MACROD2: variants seen among roughly 807,000 people sequenced by gnomAD.
MACROD2 encodes ADP-ribose glycohydrolase MACROD2.
Under a neutral mutation model 70.4 loss-of-function variants are expected in MACROD2, and 36 were observed. That is an observed-to-expected ratio of 0.51 (90% CI 0.39 to 0.68). MACROD2 has a LOEUF of 0.68. Ranked by LOEUF, MACROD2 falls within the 30% of genes least tolerant of loss-of-function variation. The probability of loss-of-function intolerance (pLI) is 0.00; values close to 1 mark genes in which losing one functional copy is unlikely to be tolerated. For synonymous variants in MACROD2, 172 were observed against 178.8 expected, an observed-to-expected ratio of 0.96 and a Z score of 0.30; for missense variants, 496 against 538.4, an observed-to-expected ratio of 0.92 and a Z score of 0.78.
intron 8 of MACROD2, among the ~76,000 whole-genome samples, chr20:15,826,915 T>A (rs1427528076): frequency 2.0e-5 from 3 of 152,214 alleles, no homozygotes; most frequent in Non-Finnish European, 4.4e-5. Flanking sequence ...ATTAACATAT[T>A]CCAGTACTAG....
At chr20:14,293,589 G>A (rs1403594148) in intron 3 of MACROD2, among the ~76,000 whole-genome samples, 2 of 151,838 alleles carry the variant, frequency 1.3e-5, no homozygotes, top group Admixed American at 6.6e-5. Flanking sequence ...GAGTGGTAAG[G>A]TGTGAGTTCA....
At chr20:14,734,575 G>A (rs572004315) in intron 5 of MACROD2, among the ~76,000 whole-genome samples, 1 of 149,274 alleles carries the variant, frequency 6.7e-6, no homozygotes, top group South Asian at 2.1e-4. Flanking sequence ...TAACAGGAAG[G>A]TACTAACAAC....
At chr20:14,046,524 C>A (rs754155298) in intron 2 of MACROD2, among the ~76,000 whole-genome samples, 1 of 152,058 alleles carries the variant, frequency 6.6e-6, no homozygotes, top group Non-Finnish European at 1.5e-5. Context: ...TCTCCAGTAA[C>A]CCAGGAATTC....
chr20:14,291,145 T>C (rs2082383226), intron 3 of MACROD2, among the ~76,000 whole-genome samples: 1 of 152,212 alleles, frequency 6.6e-6, no homozygotes, highest in South Asian at 2.1e-4. Context: ...GATTGATTCA[T>C]TCTCCATTTA....
intron 6 of MACROD2, among the ~76,000 whole-genome samples, chr20:15,384,004 A>G (rs538744579): frequency 1.9e-4 from 29 of 152,276 alleles, no homozygotes; most frequent in African/African-American, 7.0e-4. Flanking sequence ...TTTGTCAAAA[A>G]CATGTATTTT....
At chr20:15,586,469 T>C (rs2048603163) in intron 8 of MACROD2, among the ~76,000 whole-genome samples, 1 of 152,260 alleles carries the variant, frequency 6.6e-6, no homozygotes, top group Non-Finnish European at 1.5e-5. Flanking sequence ...GATTAGGTAA[T>C]TTATTTACCT....
At position 15,458,662 on chromosome 20, in the gene MACROD2, T is replaced by C. The variant is rs1198773405; in HGVS notation, c.571+27227T>C. Among the ~76,000 whole-genome samples the C allele has an allele frequency of 2.6e-5, 4 of 151,682 alleles. No homozygotes were observed. The South Asian group carries it at 6.3e-4, about 24-fold the overall frequency. On this transcript the variant is annotated intron_variant, in intron 7 of 17. Coordinates refer to ENST00000684519, the MANE Select transcript of MACROD2 (RefSeq NM_001351661.2). Reference sequence around the variant, plus strand: ...TTTAAAAAAAAAAAAGATTGTGCCATTTATTCAGTAGGTGTCCACTCAGTA... The same window carrying C: ...TTTAAAAAAAAAAAAGATTGTGCCACTTATTCAGTAGGTGTCCACTCAGTA...
intron 3 of MACROD2, among the ~76,000 whole-genome samples, chr20:14,399,644 A>C (rs1157828108): frequency 6.6e-6 from 1 of 152,122 alleles, no homozygotes; most frequent in Admixed American, 6.5e-5. Flanking sequence ...TGTTTTTCCA[A>C]ATAAATTTTC....
intron 2 of MACROD2, among the ~76,000 whole-genome samples, chr20:14,037,671 C>T (rs549918275): frequency 6.6e-6 from 1 of 152,072 alleles, no homozygotes; most frequent in East Asian, 1.9e-4. Flanking sequence ...AACCATGGAG[C>T]TAAGGATTGA....
intron 5 of MACROD2, among the ~76,000 whole-genome samples, chr20:14,744,658 G>C (rs999850631): frequency 1.3e-5 from 2 of 152,152 alleles, no homozygotes. Flanking sequence ...TTGGCTGATA[G>C]AACAGTGTCA....
chr20:15,099,347 T>C (rs1456198707), intron 5 of MACROD2, among the ~76,000 whole-genome samples: 4 of 152,100 alleles, frequency 2.6e-5, no homozygotes, highest in African/African-American at 9.7e-5. Flanking sequence ...ATTAGTGCCC[T>C]TAGAAGAAGT....
chr20:15,602,894 G>GT (rs1164780824), intron 8 of MACROD2, among the ~76,000 whole-genome samples: 5 of 150,680 alleles, frequency 3.3e-5, no homozygotes, highest in African/African-American at 7.3e-5. Context: ...AGTTCTTATA[G>GT]TTTTTTTTTA....
chr20:15,824,282 T>C (rs1310856928), intron 8 of MACROD2, among the ~76,000 whole-genome samples: 1 of 152,174 alleles, frequency 6.6e-6, no homozygotes, highest in Non-Finnish European at 1.5e-5. Context: ...TGTTTGTGTA[T>C]GTGAATGTGT....
chr20:15,376,345 T>C (rs953123923), intron 6 of MACROD2, among the ~76,000 whole-genome samples: 3 of 152,126 alleles, frequency 2.0e-5, no homozygotes, highest in Non-Finnish European at 2.9e-5. Flanking sequence ...GACCCTTTGA[T>C]TGCTCAGCAG....
At chr20:15,023,727 C>T (rs1312688367) in intron 5 of MACROD2, among the ~76,000 whole-genome samples, 1 of 152,140 alleles carries the variant, frequency 6.6e-6, no homozygotes, top group Non-Finnish European at 1.5e-5. Context: ...TGGGAAAGAC[C>T]TGTCCCCATG....
intron 8 of MACROD2, among the ~76,000 whole-genome samples, chr20:15,695,408 C>CTTTTTT (rs200041559): frequency 7.1e-6 from 1 of 140,082 alleles, no homozygotes. Context: ...TTTTCTTCTT[C>CTTTTTT]TTCTTTTTTT....
chr20:16,020,303 C>T lies in MACROD2; in HGVS notation c.1154-20898C>T, dbSNP rs552929109. On this transcript the variant is annotated intron_variant, in intron 15 of 17. Coordinates refer to ENST00000684519, the MANE Select transcript of MACROD2 (RefSeq NM_001351661.2). ...GCTCTGGGCTTTTGCACCTTCTGCT[C>T]TTCCCATGGTCCTTTGCTCCTGGCC... Among the ~76,000 whole-genome samples the T allele has an allele frequency of 5.9e-5, 9 of 152,232 alleles. No homozygotes were observed. In the East Asian group the frequency reaches 1.4e-3, roughly 23 times the overall value.
At chr20:15,919,060 A>G (rs1341085439) in intron 10 of MACROD2, among the ~76,000 whole-genome samples, 3 of 152,192 alleles carry the variant, frequency 2.0e-5, no homozygotes, top group African/African-American at 7.2e-5. Flanking sequence ...ATAGATCACA[A>G]GGCTGCCTGA....
intron 5 of MACROD2, among the ~76,000 whole-genome samples, chr20:14,916,893 A>G (rs923509354): frequency 6.6e-6 from 1 of 152,126 alleles, no homozygotes; most frequent in African/African-American, 2.4e-5. Flanking sequence ...TTCATGGACC[A>G]CTGTCAGCCC....
Sources: allele counts gnomAD v4.1 joint callset (sites outside exome capture counted in the v4.1 genomes callset), GRCh38; gene constraint gnomAD v4.1.1; transcripts MANE v1.5; gene names NCBI Gene and HGNC (gene_info 2026-07-23, HGNC 2026-07-21).